Variants in IGFBP7 observed in about 807,000 individuals in gnomAD.
IGFBP7 encodes insulin-like growth factor-binding protein 7.
Under a neutral mutation model 29.4 loss-of-function variants are expected in IGFBP7, and 31 were observed. That is an observed-to-expected ratio of 1.05 (90% confidence interval 0.79 to 1.42). The LOEUF is 1.42. Among genes scored for constraint, IGFBP7 ranks in the 40% most tolerant of loss-of-function variants. The pLI is 0.00. For synonymous variants in IGFBP7, 172 were observed against 174.9 expected, an observed-to-expected ratio of 0.98 and a Z score of 0.13; for missense variants, 393 against 395.5, an observed-to-expected ratio of 0.99 and a Z score of 0.05.
At chr4:57,079,936 C>T (rs990059350) in intron 1 of IGFBP7, among the ~76,000 whole-genome samples, 8 of 152,114 alleles carry the variant, frequency 5.3e-5, no homozygotes, top group African/African-American at 1.9e-4. Context: ...GCTTATTACC[C>T]CATTGTAGAG....
intron 1 of IGFBP7, among the ~76,000 whole-genome samples, chr4:57,101,878 T>C (rs2109804767): frequency 6.6e-6 from 1 of 152,340 alleles, no homozygotes; most frequent in African/African-American, 2.4e-5. Context: ...GGGAAATCTT[T>C]GAAATTACCT....
intron 1 of IGFBP7, among the ~76,000 whole-genome samples, chr4:57,055,923 C>G (rs918309910): frequency 6.6e-6 from 1 of 152,062 alleles, no homozygotes; most frequent in African/African-American, 2.4e-5. Flanking sequence ...CGAATAGCCC[C>G]CTTCAGACTT....
chr4:57,077,644 A>G (rs999589234), intron 1 of IGFBP7, among the ~76,000 whole-genome samples: 3 of 152,236 alleles, frequency 2.0e-5, no homozygotes, highest in African/African-American at 7.2e-5. Context: ...TCCAAGGCCA[A>G]TGCAAATGCT....
chr4:57,048,378 C>G (rs1350488385), intron 1 of IGFBP7, among the ~76,000 whole-genome samples: 3 of 152,164 alleles, frequency 2.0e-5, no homozygotes, highest in Non-Finnish European at 4.4e-5. Context: ...AAGTTCTAGA[C>G]AAAGGACTCA....
intron 1 of IGFBP7, among the ~76,000 whole-genome samples, chr4:57,054,875 T>C (rs1188492890): frequency 6.6e-6 from 1 of 152,124 alleles, no homozygotes; most frequent in Non-Finnish European, 1.5e-5. Flanking sequence ...CCAGGAGACT[T>C]AACACCTTGG....
chr4:57,085,935 C>G (rs1250026587), intron 1 of IGFBP7, among the ~76,000 whole-genome samples: 1 of 152,102 alleles, frequency 6.6e-6, no homozygotes, highest in Non-Finnish European at 1.5e-5. Context: ...AATTTTGATT[C>G]TATTCCTAGT....
chr4:57,109,675 C>G, intron 1 of IGFBP7: 1 of 627,754 alleles, frequency 1.6e-6, no homozygotes. Context: ...AATAAAACCA[C>G]CAAAAAGGAG....
chr4:57,084,683 C>T (rs1184227232), intron 1 of IGFBP7, among the ~76,000 whole-genome samples: 1 of 151,086 alleles, frequency 6.6e-6, no homozygotes, highest in African/African-American at 2.4e-5. Context: ...TATTCAATGG[C>T]TTCTAGTTTC....
At chr4:57,034,703 C>T (rs1055358371) in intron 2 of IGFBP7, among the ~76,000 whole-genome samples, 1 of 152,154 alleles carries the variant, frequency 6.6e-6, no homozygotes, top group Non-Finnish European at 1.5e-5. Context: ...ATTTTCTCAG[C>T]TTTATGATGC....
chr4:57,081,501 C>A (rs1224484065), intron 1 of IGFBP7, among the ~76,000 whole-genome samples: 1 of 152,024 alleles, frequency 6.6e-6, no homozygotes, highest in African/African-American at 2.4e-5. Context: ...TCTCTGAAGT[C>A]ACACTCTTTA....
chr4:57,060,741 G>A (rs575991386), intron 1 of IGFBP7, among the ~76,000 whole-genome samples: 4 of 152,156 alleles, frequency 2.6e-5, no homozygotes, highest in African/African-American at 9.6e-5. Context: ...AATATAGTGA[G>A]ACCTCATCTC....
At chr4:57,056,814 T>C (rs1370591742) in intron 1 of IGFBP7, among the ~76,000 whole-genome samples, 3 of 152,248 alleles carry the variant, frequency 2.0e-5, no homozygotes, top group Non-Finnish European at 4.4e-5. Context: ...AATACTCTTT[T>C]CTGCTCTTAT....
At chr4:57,054,184 C>T (rs997429024) in intron 1 of IGFBP7, among the ~76,000 whole-genome samples, 1 of 152,118 alleles carries the variant, frequency 6.6e-6, no homozygotes, top group Non-Finnish European at 1.5e-5. Flanking sequence ...TGCCCACTCT[C>T]AGGCCCCTAC....
intron 1 of IGFBP7, among the ~76,000 whole-genome samples, chr4:57,041,820 T>C (rs913952925): frequency 6.6e-6 from 1 of 152,148 alleles, no homozygotes; most frequent in Non-Finnish European, 1.5e-5. Context: ...ATTACAGGTG[T>C]GAGCCACCAT....
intron 1 of IGFBP7, among the ~76,000 whole-genome samples, chr4:57,100,799 G>A (rs1725880071): frequency 6.6e-6 from 1 of 152,208 alleles, no homozygotes; most frequent in Admixed American, 6.5e-5. Flanking sequence ...AGTCAATGTT[G>A]CTGGTCTACA....
intron 3 of IGFBP7, among the ~76,000 whole-genome samples, chr4:57,032,926 C>T (rs955702803): frequency 2.0e-5 from 3 of 152,184 alleles, no homozygotes; most frequent in African/African-American, 4.8e-5. Flanking sequence ...AATGCTTGGG[C>T]CACGCAGCTC....
chr4:57,064,595 G>T (rs1194822593), intron 1 of IGFBP7, among the ~76,000 whole-genome samples: 1 of 152,160 alleles, frequency 6.6e-6, no homozygotes, highest in Non-Finnish European at 1.5e-5. Flanking sequence ...ATCCTTTCTA[G>T]TGAGCTGGGT....
At chr4:57,101,833 C>A (rs147340553) in intron 1 of IGFBP7, among the ~76,000 whole-genome samples, 2 of 152,142 alleles carry the variant, frequency 1.3e-5, no homozygotes, top group African/African-American at 4.8e-5. Context: ...TCTAGTCCTC[C>A]ACTGCTATCC....
chr4:57,110,284 A>G lies in IGFBP7; in HGVS notation c.68T>C (p.Leu23Pro). ...GGTGTCCGAAGAGGAGGAAGAGGAGAGGGGCAGGAGCAGGAGCAGCAGCCC... is the reference window on the plus strand; with the variant it reads ...GGTGTCCGAAGAGGAGGAAGAGGAGGGGGGCAGGAGCAGGAGCAGCAGCCC... ...AAGLLLLLLP[L>P]SSSSSSDTCG... is the part of the protein sequence containing the mutation. The change falls in exon 1 of 5, where the codon CTC becomes CCC. Residue 23 changes from leucine (L) to proline (P), a missense_variant. By Grantham distance (98) the Leu-to-Pro change is moderately conservative. Coordinates refer to ENST00000295666, the MANE Select transcript of IGFBP7 (RefSeq NM_001553.3). 1.4e-6 allele frequency: 2 copies of G among 1,426,550 alleles called. No homozygotes were observed. Among genetic ancestry groups the G allele is most frequent in the Non-Finnish European group, 1.8e-6 (2 of 1,090,800 alleles). 88.4% of individuals were successfully genotyped at this position (1,426,550 alleles called of 1,614,324 possible).
Sources: allele counts gnomAD v4.1 joint callset (sites outside exome capture counted in the v4.1 genomes callset), GRCh38; gene constraint gnomAD v4.1.1; transcripts MANE v1.5; gene names NCBI Gene and HGNC (gene_info 2026-07-23, HGNC 2026-07-21).